FBN2: variants seen among roughly 807,000 people sequenced by gnomAD.
FBN2 encodes fibrillin-2.
A neutral mutation model predicts 355.6 loss-of-function variants in FBN2; 105 were observed. The observed-to-expected ratio is 0.30, with a 90% confidence interval of 0.25 to 0.35. FBN2 has a LOEUF of 0.35. Ranked by LOEUF, FBN2 falls within the 10% of genes least tolerant of loss-of-function variation. The probability of loss-of-function intolerance (pLI) is 1.00; values close to 1 mark genes in which losing one functional copy is unlikely to be tolerated. For synonymous variants in FBN2, 1,350 were observed against 1,301.2 expected (o/e 1.04, Z -0.81); for missense variants, 3,280 against 3,758.7 (o/e 0.87, Z 3.33).
Position 128,278,002 on chromosome 5 carries a change from A to T in FBN2, c.7349T>A (p.Ile2450Asn). The T allele has an allele frequency of 6.2e-7, 1 of 1,614,084 alleles. No homozygotes were observed. Among genetic ancestry groups the T allele is most frequent in the East Asian group, 2.2e-5 (1 of 44,866 alleles). ...GPGYTTDGRD[I>N]DECKVMPNLC... Reference sequence around the variant, plus strand: ...GTTTGGCATTACCTTACATTCATCAATATCTGTGGACCAAAACAACAAAAA... The same window carrying T: ...GTTTGGCATTACCTTACATTCATCATTATCTGTGGACCAAAACAACAAAAA... Residue 2450 changes from isoleucine (I) to asparagine (N), a missense_variant, in exon 58 of 65, where the codon ATT becomes AAT. Transcript: ENST00000262464.
At chr5:128,339,124 A>G in intron 25 of FBN2, 63 bp from the exon 26 acceptor site, 1 of 1,555,004 alleles carries the variant, frequency 6.4e-7, no homozygotes, top group Non-Finnish European at 8.9e-7. Flanking sequence ...CTTCCAAGCG[A>G]AGGTGCTGCA....
intron 16 of FBN2, among the ~76,000 whole-genome samples, chr5:128,368,843 ATT>A (rs78265398): frequency 5.7e-5 from 8 of 139,152 alleles, no homozygotes; most frequent in Admixed American, 7.3e-5. Context: ...GCTAATTAAG[ATT>A]TTTTTTTTTT....
chr5:128,530,576 C>A lies in FBN2; in HGVS notation c.436+19G>T, dbSNP rs775781944. ...GCTTAAGAAAAATGCAGTGAAAAGGCCACAAGTAAGAAACATACTTGATTT... is the reference window on the plus strand; with the variant it reads ...GCTTAAGAAAAATGCAGTGAAAAGGACACAAGTAAGAAACATACTTGATTT... On this transcript the variant is annotated intron_variant, in intron 3 of 64. Transcript: ENST00000262464. 1 of 1,543,262 alleles carries A rather than the reference C, an allele frequency of 6.5e-7. No homozygotes were observed. The highest frequency in any genetic ancestry group is 9.0e-7 in the Non-Finnish European group (1 of 1,115,728).
intron 5 of FBN2, among the ~76,000 whole-genome samples, chr5:128,504,411 C>T (rs1211360430): frequency 1.3e-5 from 2 of 152,162 alleles, no homozygotes; most frequent in African/African-American, 2.4e-5. Flanking sequence ...TCAACACCAG[C>T]CCATGAAAGC....
At chr5:128,520,404 T>C (rs1019955836) in intron 4 of FBN2, among the ~76,000 whole-genome samples, 1 of 152,158 alleles carries the variant, frequency 6.6e-6, no homozygotes, top group Admixed American at 6.6e-5. Context: ...ACATTTGTCC[T>C]CACAAATGAA....
rs566942935 is a variant in FBN2, at chr5:128,265,180, A to G, written c.7961-1524T>C. Among the ~76,000 whole-genome samples the G allele has an allele frequency of 4.2e-4, 64 of 152,266 alleles. No individual in the cohort carries two copies. In the South Asian group the frequency reaches 0.013, roughly 30 times the overall value. ...CAAGAGACTTGGAATTCTGCCATAA[A>G]GCCTCATCTGCTTTTATAATTAGAT... On this transcript the variant is annotated intron_variant, in intron 62 of 64. Coordinates refer to ENST00000262464, the MANE Select transcript of FBN2 (RefSeq NM_001999.4).
intron 48 of FBN2, among the ~76,000 whole-genome samples, chr5:128,299,497 G>A (rs7710856): frequency 0.041 from 6,093 of 149,566 alleles, 450 homozygotes; most frequent in African/African-American, 0.14. Context: ...AGGACCCTCC[G>A]AGCCATGTGC....
chr5:128,446,606 T>A lies in FBN2; in HGVS notation c.827A>T (p.Asp276Val), dbSNP rs753696462. 1.2e-6 allele frequency: 2 copies of A among 1,613,454 alleles called. No homozygotes were observed. Among genetic ancestry groups the A allele is most frequent in the African/African-American group, 2.7e-5 (2 of 74,930 alleles). Residue 276 changes from aspartate to valine, a missense_variant and splice_region_variant, in exon 7 of 65, where the codon GAT becomes GTT. By Grantham distance (152) the Asp-to-Val change is radical (BLOSUM62 -3). Transcript: ENST00000262464. ...TGGGATAGCCTGGCATTCATCAACA[T>A]CTGCAAGAAGAAAACATTTTGAACA... The part of the protein sequence containing the change: ...IPNIRTGACQ[D>V]VDECQAIPGI...
chr5:128,464,441 A>T (rs1421399836), intron 6 of FBN2, among the ~76,000 whole-genome samples: 1 of 152,184 alleles, frequency 6.6e-6, no homozygotes, highest in African/African-American at 2.4e-5. Flanking sequence ...TCTAGATAAA[A>T]ATAGAGTGGT....
chr5:128,520,063 T>C (rs1756390471), intron 4 of FBN2, among the ~76,000 whole-genome samples: 1 of 152,138 alleles, frequency 6.6e-6, no homozygotes, highest in African/African-American at 2.4e-5. Context: ...CATATAAAAT[T>C]AACTCACAAT....
At chr5:128,439,428 AT>A (rs1196825164) in intron 7 of FBN2, among the ~76,000 whole-genome samples, 2 of 152,178 alleles carry the variant, frequency 1.3e-5, no homozygotes, top group African/African-American at 4.8e-5. Context: ...TTTTATCAAC[AT>A]TTAGAAGTAA....
intron 48 of FBN2, among the ~76,000 whole-genome samples, chr5:128,294,269 G>A (rs983692337): frequency 4.6e-5 from 7 of 151,786 alleles, no homozygotes; most frequent in African/African-American, 1.7e-4. Flanking sequence ...CCAAGTCTTT[G>A]CTATTGTGAA....
At chr5:128,440,981 A>C (rs948341845) in intron 7 of FBN2, among the ~76,000 whole-genome samples, 1 of 152,154 alleles carries the variant, frequency 6.6e-6, no homozygotes, top group Non-Finnish European at 1.5e-5. Context: ...GGGGGCCTGA[A>C]GCAGTAGATT....
At chr5:128,306,083 T>G in intron 42 of FBN2, 135 bp from the exon 43 acceptor site, 2 of 810,898 alleles carry the variant, frequency 2.5e-6, no homozygotes, top group Non-Finnish European at 4.0e-6. Flanking sequence ...TATACTAGTA[T>G]AGCTAATTTT....
chr5:128,503,707 T>C (rs1369990827), intron 5 of FBN2, among the ~76,000 whole-genome samples: 2 of 152,082 alleles, frequency 1.3e-5, no homozygotes, highest in Non-Finnish European at 2.9e-5. Flanking sequence ...AAGCAGGTCA[T>C]AAAAGTTTGA....
chr5:128,381,515 C>T (rs927810433), intron 11 of FBN2, among the ~76,000 whole-genome samples: 1 of 152,112 alleles, frequency 6.6e-6, no homozygotes, highest in African/African-American at 2.4e-5. Flanking sequence ...TTAATATCCT[C>T]TTCACTTTTT....
intron 7 of FBN2, among the ~76,000 whole-genome samples, chr5:128,427,607 T>A (rs992541640): frequency 2.0e-5 from 3 of 152,236 alleles, no homozygotes; most frequent in African/African-American, 7.2e-5. Context: ...TATTAATCAA[T>A]TGCAAATTGG....
rs368802769 is a variant in FBN2 at position 128,286,820 on chromosome 5, C to T, written c.6910G>A (p.Asp2304Asn). Residue 2304 changes from aspartate to asparagine, a missense_variant, in exon 55 of 65, where the codon GAC (aspartate) becomes AAC (asparagine). Physicochemically the swap from Asp to Asn is conservative, Grantham distance 23. Transcript: ENST00000262464. ...DLDECAEGLH[D>N]CESRGMMCKN... ...CACATCATGCCCCTAGATTCACAGT[C>T]GTGTAACCCTTCAGCACATTCATCC... is the stretch of plus-strand genomic sequence containing the variant. The T allele has an allele frequency of 4.2e-5, 68 of 1,613,856 alleles. 1 individual carries two copies. The highest frequency in any genetic ancestry group is 5.5e-5 in the South Asian group (5 of 91,070).
chr5:128,410,822 G>A (rs1171167581), intron 7 of FBN2, among the ~76,000 whole-genome samples: 2 of 152,104 alleles, frequency 1.3e-5, no homozygotes, highest in Non-Finnish European at 2.9e-5. Context: ...CAGTTGAGTA[G>A]GAACCCTAAA....
Sources: allele counts gnomAD v4.1 joint callset (sites outside exome capture counted in the v4.1 genomes callset), GRCh38; gene constraint gnomAD v4.1.1; transcripts MANE v1.5; gene names NCBI Gene and HGNC (gene_info 2026-07-23, HGNC 2026-07-21).